UNC13C: variants seen among roughly 807,000 people sequenced by gnomAD.
The protein encoded by UNC13C is protein unc-13 homolog C.
A neutral mutation model predicts 245.4 loss-of-function variants in UNC13C; 174 were observed. That is an observed-to-expected ratio of 0.71 (90% CI 0.63 to 0.80). UNC13C has a LOEUF of 0.80. Among genes scored for constraint, UNC13C ranks in the 30% least tolerant of loss-of-function variants. The pLI, the probability that UNC13C is intolerant of heterozygous loss-of-function variation, is 0.00. For missense variants in UNC13C, 2,829 were observed against 2,602.9 expected, an observed-to-expected ratio of 1.09 and a Z score of -1.89; for synonymous variants, 992 against 895.1, an observed-to-expected ratio of 1.11 and a Z score of -1.93.
At chr15:54,378,615 A>C (rs1229093468) in intron 17 of UNC13C, among the ~76,000 whole-genome samples, 1 of 151,548 alleles carries the variant, frequency 6.6e-6, no homozygotes, top group Non-Finnish European at 1.5e-5. Flanking sequence ...GAAATATAGA[A>C]ATATATATGT....
At chr15:54,213,979 G>A (rs1417901884) in intron 4 of UNC13C, among the ~76,000 whole-genome samples, 1 of 151,940 alleles carries the variant, frequency 6.6e-6, no homozygotes, top group Non-Finnish European at 1.5e-5. Context: ...ATAACACATT[G>A]CAAATTGATG....
chr15:54,230,851 C>T (rs981160824), intron 4 of UNC13C, among the ~76,000 whole-genome samples: 10 of 151,850 alleles, frequency 6.6e-5, no homozygotes, highest in Non-Finnish European at 1.2e-4. Flanking sequence ...TCACATTGTA[C>T]CCCATAAATG....
chr15:54,054,524 T>C (rs1897415354), intron 2 of UNC13C, among the ~76,000 whole-genome samples: 1 of 152,128 alleles, frequency 6.6e-6, no homozygotes, highest in Non-Finnish European at 1.5e-5. Context: ...TGATATACCA[T>C]TGCAGAATCA....
the UNC13C span, among the ~76,000 whole-genome samples, chr15:53,949,733 T>A: frequency 6.6e-5 from 10 of 152,280 alleles, no homozygotes; most frequent in South Asian, 1.9e-3. Context: ...AAATGCAGAT[T>A]CCTGGAACTC....
At chr15:54,313,747 A>T (rs2037934509) in intron 13 of UNC13C, among the ~76,000 whole-genome samples, 1 of 151,774 alleles carries the variant, frequency 6.6e-6, no homozygotes, top group South Asian at 2.1e-4. Context: ...GAAGGAACAG[A>T]TACGTATACA....
chr15:54,160,126 A>G (rs979401040), intron 4 of UNC13C, among the ~76,000 whole-genome samples: 5 of 152,110 alleles, frequency 3.3e-5, no homozygotes, highest in African/African-American at 9.7e-5. Flanking sequence ...AAAAAAGGAC[A>G]TAGAAGCTAC....
At chr15:54,198,166 T>C (rs1381542849) in intron 4 of UNC13C, among the ~76,000 whole-genome samples, 1 of 152,050 alleles carries the variant, frequency 6.6e-6, no homozygotes, top group East Asian at 1.9e-4. Flanking sequence ...AGCACATTCA[T>C]CAAGCCCTGC....
At chr15:54,515,768 G>T (rs1368286015) in intron 24 of UNC13C, among the ~76,000 whole-genome samples, 1 of 152,064 alleles carries the variant, frequency 6.6e-6, no homozygotes, top group Non-Finnish European at 1.5e-5. Context: ...GAAAAAGGAG[G>T]GTTCGTTTGT....
chr15:54,219,259 C>A (rs1405517491), intron 4 of UNC13C, among the ~76,000 whole-genome samples: 1 of 150,546 alleles, frequency 6.6e-6, no homozygotes, highest in Non-Finnish European at 1.5e-5. Flanking sequence ...AGATATAGAT[C>A]AATGGAACAG....
intron 4 of UNC13C, among the ~76,000 whole-genome samples, chr15:54,185,082 A>G (rs1213996960): frequency 3.3e-5 from 5 of 152,050 alleles, no homozygotes; most frequent in African/African-American, 7.2e-5. Context: ...AGAAGTGTCC[A>G]TTCATATCCT....
At position 54,013,122 on chromosome 15, in the gene UNC13C, C is replaced by A; in HGVS notation, c.219C>A (p.His73Gln). The A allele has an allele frequency of 6.2e-7, 1 of 1,613,958 alleles. No individual in the cohort carries two copies. The highest frequency in any genetic ancestry group is 8.5e-7 in the Non-Finnish European group (1 of 1,179,872). Reference sequence around the variant, plus strand: ...AGATTGCAAAGTGTTCATCCACTCACAACTTATCCACTGAGGAAGACGAGG... The same window carrying A: ...AGATTGCAAAGTGTTCATCCACTCAAAACTTATCCACTGAGGAAGACGAGG... The part of the protein sequence containing the change: ...VKKIAKCSST[H>Q]NLSTEEDEAS... Residue 73 changes from histidine to glutamine, a missense_variant, in exon 2 of 33, where the codon CAC becomes CAA. His to Gln is a conservative substitution (Grantham distance 24). Coordinates refer to ENST00000260323, the MANE Select transcript of UNC13C (RefSeq NM_001080534.3).
chr15:54,343,197 A>G (rs772149306), intron 17 of UNC13C, among the ~76,000 whole-genome samples: 3 of 151,460 alleles, frequency 2.0e-5, no homozygotes, highest in South Asian at 2.1e-4. Flanking sequence ...GCAGTGGCGC[A>G]ATCTCGGCTC....
At chr15:54,536,661 G>A (rs1895995584) in intron 26 of UNC13C, among the ~76,000 whole-genome samples, 1 of 152,034 alleles carries the variant, frequency 6.6e-6, no homozygotes, top group East Asian at 1.9e-4. Flanking sequence ...TTCCTAGGAT[G>A]CAAGGTGGTT....
At chr15:53,874,291 C>A in the UNC13C span, among the ~76,000 whole-genome samples, 3 of 150,662 alleles carry the variant, frequency 2.0e-5, no homozygotes, top group African/African-American at 7.5e-5. Flanking sequence ...TTAATTTAAT[C>A]CCCCTAACAA....
At chr15:54,379,553 G>A (rs915060200) in intron 17 of UNC13C, among the ~76,000 whole-genome samples, 5 of 151,750 alleles carry the variant, frequency 3.3e-5, no homozygotes, top group African/African-American at 1.2e-4. Context: ...CTTTTCCTAC[G>A]AACATGAGAC....
At chr15:53,983,698 C>A (rs554958742) in intron 1 of UNC13C, among the ~76,000 whole-genome samples, 1 of 151,790 alleles carries the variant, frequency 6.6e-6, no homozygotes, top group Non-Finnish European at 1.5e-5. Context: ...TGGGAACATT[C>A]CTGATACTCT....
At chr15:54,119,046 GT>G (rs879407588) in intron 2 of UNC13C, among the ~76,000 whole-genome samples, 26 of 140,140 alleles carry the variant, frequency 1.9e-4, no homozygotes, top group Admixed American at 2.8e-4. Context: ...CCAGTTTTTT[GT>G]TTTTTTTTTT....
At chr15:54,625,655 T>C (rs1901088807) in intron 32 of UNC13C, among the ~76,000 whole-genome samples, 1 of 152,152 alleles carries the variant, frequency 6.6e-6, no homozygotes, top group African/African-American at 2.4e-5. Flanking sequence ...TTGTTCATGA[T>C]TTCCTATAGT....
chr15:53,979,163 T>A (rs1221781607), intron 1 of UNC13C, among the ~76,000 whole-genome samples: 1 of 152,188 alleles, frequency 6.6e-6, no homozygotes, highest in African/African-American at 2.4e-5. Context: ...GATAAATGAC[T>A]GCTTAGTTTC....
Sources: gnomAD v4.1 joint callset for allele counts (sites outside exome capture counted in the v4.1 genomes callset) on GRCh38, gnomAD v4.1.1 for gene constraint, MANE v1.5 for transcripts, NCBI Gene and HGNC (gene_info 2026-07-23, HGNC 2026-07-21) for gene names.